SYT1: variants seen among roughly 807,000 people sequenced by gnomAD.
The protein encoded by SYT1 is synaptotagmin 1.
SYT1 carries 8 observed loss-of-function variants against 44.8 expected under a neutral mutation model. The ratio of observed to expected loss-of-function variants is 0.18; its 90% CI spans 0.10 to 0.32. The LOEUF is 0.32. Ranked by LOEUF, SYT1 falls within the 10% of genes least tolerant of loss-of-function variation. The pLI is 1.00. For missense variants in SYT1, 286 were observed against 509.3 expected (o/e 0.56, Z 4.22); for synonymous variants, 154 against 188.8 (o/e 0.82, Z 1.51).
At chr12:78,884,916 C>A (rs1874650159) in intron 1 of SYT1, among the ~76,000 whole-genome samples, 1 of 151,578 alleles carries the variant, frequency 6.6e-6, no homozygotes, top group Non-Finnish European at 1.5e-5. Flanking sequence ...CATTACATAC[C>A]AGGTGCTATT....
chr12:79,123,308 A>AGTGTGTGTGTGTGTGT lies in SYT1; in HGVS notation c.-18+75946_-18+75947insGTGTGTGTGTGTGTGT, dbSNP rs763524667. ...CTGTTACATGTATCTCTAAAAATGC[A>AGTGTGTGTGTGTGTGT]ATGTGTGTGTGTGTGTGTGTGTGTG... On this transcript the variant is annotated intron_variant, in intron 3 of 10. Transcript: ENST00000261205. Among the ~76,000 whole-genome samples, 848 of 96,506 alleles carry AGTGTGTGTGTGTGTGT rather than the reference A, an allele frequency of 8.8e-3. 10 individuals carry two copies. Among genetic ancestry groups the AGTGTGTGTGTGTGTGT allele is most frequent in the Admixed American group, 0.013 (126 of 9,446 alleles). 63.3% of individuals were successfully genotyped at this position (96,506 alleles called of 152,430 possible).
chr12:79,143,104 A>G (rs1275993322), intron 3 of SYT1, among the ~76,000 whole-genome samples: 2 of 152,172 alleles, frequency 1.3e-5, no homozygotes, highest in Non-Finnish European at 2.9e-5. Flanking sequence ...AGAGAGCAAT[A>G]TACAGTTTTC....
In SYT1 at chr12:79,329,680, C is replaced by T. The variant is rs116942335; in HGVS notation, c.811-23822C>T. On this transcript the variant is annotated intron_variant, in intron 8 of 10. Transcript: ENST00000261205. ...AAGCTTAGAGAAATGAAACAATCTG[C>T]ACAAGGTCACCTATCTAGTAAGTGG... Among the ~76,000 whole-genome samples the T allele has an allele frequency of 3.7e-3, 570 of 152,262 alleles. 2 individuals carry two copies. The highest frequency in any genetic ancestry group is 6.8e-3 in the Middle Eastern group (2 of 294).
chr12:79,159,393 C>A (rs889074069), intron 3 of SYT1, among the ~76,000 whole-genome samples: 4 of 152,074 alleles, frequency 2.6e-5, no homozygotes, highest in East Asian at 1.9e-4. Flanking sequence ...AGTAGTCCCC[C>A]CTTATCTGTG....
intron 8 of SYT1, among the ~76,000 whole-genome samples, chr12:79,343,262 T>C (rs1168088388): frequency 6.6e-6 from 1 of 152,168 alleles, no homozygotes; most frequent in African/African-American, 2.4e-5. Context: ...GGGACAGTGA[T>C]TGTAACCAAT....
Position 79,451,966 on chromosome 12 carries a change from A to G in SYT1, c.*2842A>G, listed in dbSNP as rs1871083093. The G allele has an allele frequency of 6.6e-6, 1 of 152,224 alleles. No homozygotes were observed. The highest frequency in any genetic ancestry group is 2.1e-4 in the South Asian group (1 of 4,830). The allele number at this position is 152,224 out of a possible 1,614,324, so 9.4% of individuals were successfully genotyped here. On this transcript the variant is annotated 3_prime_UTR_variant, in exon 11 of 11. Transcript: ENST00000261205. ...TGATTGTTGTTAAAAATGACTTAAC[A>G]TATTACACAGATATTCAATAAAAAT...
chr12:79,338,448 T>C (rs1363015904), intron 8 of SYT1, among the ~76,000 whole-genome samples: 4 of 151,558 alleles, frequency 2.6e-5, no homozygotes, highest in Admixed American at 6.6e-5. Context: ...CCACTAATTT[T>C]CTTTAATTTT....
intron 9 of SYT1, among the ~76,000 whole-genome samples, chr12:79,436,558 T>C (rs1870104694): frequency 6.6e-6 from 1 of 152,250 alleles, no homozygotes; most frequent in Admixed American, 6.5e-5. Context: ...TACTTTCTAG[T>C]TCTCATTGTA....
intron 4 of SYT1, among the ~76,000 whole-genome samples, chr12:79,225,302 TTGTC>T (rs1875453561): frequency 2.0e-5 from 3 of 152,306 alleles, no homozygotes; most frequent in Non-Finnish European, 2.9e-5. Flanking sequence ...ACTTGTTAAT[TTGTC>T]TGTCCACTTT....
At chr12:79,445,749 A>G (rs1179876372) in intron 10 of SYT1, among the ~76,000 whole-genome samples, 6 of 151,284 alleles carry the variant, frequency 4.0e-5, no homozygotes, top group Admixed American at 6.6e-5. Context: ...ATAGTGCCAT[A>G]CCACTCTTAA....
chr12:79,097,773 T>C (rs374505558), intron 3 of SYT1, among the ~76,000 whole-genome samples: 3 of 152,030 alleles, frequency 2.0e-5, no homozygotes, highest in East Asian at 3.9e-4. Flanking sequence ...TATTTAATAA[T>C]GATAGAAAAT....
At chr12:78,914,479 A>ATAAAG (rs10664397) in intron 1 of SYT1, among the ~76,000 whole-genome samples, 115,507 of 151,260 alleles carry the variant, frequency 0.76, 44,657 homozygotes, top group African/African-American at 0.87. Context: ...GCAACAAATT[A>ATAAAG]TAATTTGTTT....
chr12:79,346,360 G>T (rs79248539), intron 8 of SYT1, among the ~76,000 whole-genome samples: 1,528 of 152,222 alleles, frequency 0.01, 26 homozygotes, highest in African/African-American at 0.034. Flanking sequence ...TCAGAACAAA[G>T]CTGCCTTCTG....
At chr12:79,234,272 T>A (rs1384680478) in intron 4 of SYT1, among the ~76,000 whole-genome samples, 1 of 152,210 alleles carries the variant, frequency 6.6e-6, no homozygotes, top group Non-Finnish European at 1.5e-5. Flanking sequence ...CTCTCCTCTT[T>A]TGTTAAATTA....
At chr12:78,992,584 C>T (rs534029296) in intron 2 of SYT1, among the ~76,000 whole-genome samples, 3 of 152,160 alleles carry the variant, frequency 2.0e-5, no homozygotes, top group South Asian at 2.1e-4. Context: ...TATTTCTTAC[C>T]GTGTGTAAAA....
At chr12:79,326,506 G>A (rs1003985586) in intron 8 of SYT1, among the ~76,000 whole-genome samples, 1 of 152,086 alleles carries the variant, frequency 6.6e-6, no homozygotes, top group Non-Finnish European at 1.5e-5. Flanking sequence ...GCAAACTTAG[G>A]GGGTTGTTCT....
At chr12:79,398,461 A>T (rs1429548106) in intron 9 of SYT1, among the ~76,000 whole-genome samples, 2 of 152,180 alleles carry the variant, frequency 1.3e-5, no homozygotes, top group Non-Finnish European at 2.9e-5. Flanking sequence ...TATGGGGCCC[A>T]TGTGTGTTAA....
intron 8 of SYT1, among the ~76,000 whole-genome samples, chr12:79,309,984 G>A (rs1409254410): frequency 6.6e-6 from 1 of 152,116 alleles, no homozygotes; most frequent in Non-Finnish European, 1.5e-5. Context: ...CACTCTGATG[G>A]TAGTTTCTTT....
intron 8 of SYT1, among the ~76,000 whole-genome samples, chr12:79,314,382 C>T (rs1181409767): frequency 6.6e-6 from 1 of 151,584 alleles, no homozygotes; most frequent in East Asian, 1.9e-4. Flanking sequence ...ATACCATGTG[C>T]GAGAGTCTGT....
Sources: gnomAD v4.1 joint callset for allele counts (sites outside exome capture counted in the v4.1 genomes callset) on GRCh38, gnomAD v4.1.1 for gene constraint, MANE v1.5 for transcripts, NCBI Gene and HGNC (gene_info 2026-07-23, HGNC 2026-07-21) for gene names.